LTAP1: variants seen among roughly 807,000 people sequenced by gnomAD.
The protein encoded by LTAP1 is lipid transport auxiliary protein 1, also known as HCV NS5A-transactivated protein 4.
chr1:154,211,819 TTC>T, the LTAP1 span: 1 of 154,192 alleles, frequency 6.5e-6, no homozygotes, highest in Admixed American at 6.4e-5. Context: ...TAGTAAAAAC[TTC>T]TTTTACTAGC....
chr1:154,215,862 G>A, the LTAP1 span, among the ~76,000 whole-genome samples: 19 of 150,184 alleles, frequency 1.3e-4, no homozygotes, highest in South Asian at 3.6e-3. Context: ...TTTTGAGACG[G>A]AGTCTCGCTC....
At chr1:154,215,046 T>C in the LTAP1 span, among the ~76,000 whole-genome samples, 2 of 151,866 alleles carry the variant, frequency 1.3e-5, no homozygotes, top group East Asian at 2.0e-4. Flanking sequence ...GGTTTCACCA[T>C]GTTGGCCAGG....
At chr1:154,220,090 G>T in the LTAP1 span, 3 of 748,676 alleles carry the variant, frequency 4.0e-6, no homozygotes, top group African/African-American at 3.6e-5. Flanking sequence ...GTTATGATGG[G>T]GGTGGATCTA....
chr1:154,213,965 G>A, the LTAP1 span: 4 of 1,609,786 alleles, frequency 2.5e-6, no homozygotes, highest in South Asian at 2.2e-5. Flanking sequence ...GAAAAGACTG[G>A]TGTTAGGCAT....
chr1:154,217,134 A>G, the LTAP1 span, among the ~76,000 whole-genome samples: 1 of 151,074 alleles, frequency 6.6e-6, no homozygotes, highest in African/African-American at 2.4e-5. Flanking sequence ...TTTTTAGTAC[A>G]GTCGGGGTTT....
the LTAP1 span, chr1:154,212,472 G>A: frequency 2.9e-5 from 46 of 1,614,016 alleles, 1 homozygote; most frequent in South Asian, 1.3e-4. Flanking sequence ...GTCCCATAGC[G>A]GGCTGTTTCA....
At chr1:154,206,884 T>TA in the LTAP1 span, 3 of 155,172 alleles carry the variant, frequency 1.9e-5, no homozygotes, top group African/African-American at 7.2e-5. Context: ...AGTGTGGAAT[T>TA]AAAGTAGATC....
the LTAP1 span, chr1:154,214,042 C>T: frequency 1.8e-6 from 2 of 1,133,694 alleles, no homozygotes; most frequent in South Asian, 1.4e-5. Flanking sequence ...CTTTGGGAGG[C>T]TGAGGTGGGT....
At chr1:154,209,027 C>T in the LTAP1 span, among the ~76,000 whole-genome samples, 3 of 152,090 alleles carry the variant, frequency 2.0e-5, no homozygotes, top group Non-Finnish European at 4.4e-5. Context: ...GGATTACAGC[C>T]GTGAGCCACC....
the LTAP1 span, chr1:154,207,196 T>C: frequency 2.6e-6 from 1 of 379,656 alleles, no homozygotes; most frequent in Non-Finnish European, 4.8e-6. Flanking sequence ...ACATTAAGAA[T>C]AACACCTGAA....
At chr1:154,212,336 T>C in the LTAP1 span, 1 of 1,614,056 alleles carries the variant, frequency 6.2e-7, no homozygotes, top group Non-Finnish European at 8.5e-7. Flanking sequence ...GCCAGCTCAC[T>C]CAGGGCCTCC....
chr1:154,219,973 G>T, the LTAP1 span: 4,410 of 1,495,634 alleles, frequency 2.9e-3, 15 homozygotes, highest in Non-Finnish European at 3.5e-3. Flanking sequence ...TTAATAAAAA[G>T]TCAGTTTTGT....
At chr1:154,210,791 A>G in the LTAP1 span, among the ~76,000 whole-genome samples, 1 of 150,952 alleles carries the variant, frequency 6.6e-6, no homozygotes, top group Non-Finnish European at 1.5e-5. Context: ...TTTTTACTCT[A>G]GATTGGCTTT....
the LTAP1 span, among the ~76,000 whole-genome samples, chr1:154,219,215 A>G: frequency 0.65 from 99,209 of 152,136 alleles, 33,403 homozygotes; most frequent in East Asian, 0.96. Flanking sequence ...ATGTCAGGTA[A>G]TCAGTTGGCA....
chr1:154,214,556 C>A, the LTAP1 span: 3 of 1,611,106 alleles, frequency 1.9e-6, no homozygotes, highest in Non-Finnish European at 2.5e-6. Context: ...AGTCGAATAT[C>A]AATCTCCTCT....
chr1:154,220,418 C>T, the LTAP1 span: 3 of 1,614,112 alleles, frequency 1.9e-6, no homozygotes, highest in African/African-American at 4.0e-5. Context: ...GGCCTCCCTA[C>T]CTCGCGCAGA....
chr1:154,214,956 T>C, the LTAP1 span, among the ~76,000 whole-genome samples: 5 of 151,890 alleles, frequency 3.3e-5, no homozygotes, highest in South Asian at 4.1e-4. Flanking sequence ...GCAATTCTCC[T>C]GCCTCAGCCT....
chr1:154,212,428 T>C, the LTAP1 span: 57 of 1,614,072 alleles, frequency 3.5e-5, no homozygotes, highest in East Asian at 1.1e-3. Context: ...GAGGGATCTC[T>C]TTAGTGCCCC....
chr1:154,217,275 G>A, the LTAP1 span, among the ~76,000 whole-genome samples: 1 of 152,136 alleles, frequency 6.6e-6, no homozygotes, highest in Non-Finnish European at 1.5e-5. Context: ...CTTTATTGAG[G>A]TTGAATTTAC....
Sources: allele counts gnomAD v4.1 joint callset (sites outside exome capture counted in the v4.1 genomes callset), GRCh38; gene constraint gnomAD v4.1.1; transcripts MANE v1.5; gene names NCBI Gene and HGNC (gene_info 2026-07-23, HGNC 2026-07-21).